Variants in PHACTR1 observed in about 807,000 individuals in gnomAD.
The protein encoded by PHACTR1 is RPEL repeat containing 1.
A neutral mutation model predicts 69.2 loss-of-function variants in PHACTR1; 16 were observed. The ratio of observed to expected loss-of-function variants is 0.23; its 90% CI spans 0.16 to 0.35. The LOEUF (loss-of-function observed/expected upper bound fraction) is 0.35. PHACTR1 is among the 10% of genes least tolerant of loss of function. The probability of loss-of-function intolerance (pLI) is 1.00; values close to 1 mark genes in which losing one functional copy is unlikely to be tolerated. For synonymous variants in PHACTR1, 312 were observed against 284.5 expected, an observed-to-expected ratio of 1.10 and a Z score of -0.97; for missense variants, 510 against 734.7, an observed-to-expected ratio of 0.69 and a Z score of 3.54.
chr6:12,907,259 A>G (rs1033374854), intron 4 of PHACTR1, among the ~76,000 whole-genome samples: 4 of 152,244 alleles, frequency 2.6e-5, no homozygotes, highest in Admixed American at 2.6e-4. Flanking sequence ...CATCAGAAAA[A>G]TAATTATAGT....
intron 3 of PHACTR1, among the ~76,000 whole-genome samples, chr6:12,734,357 T>C (rs1350505590): frequency 6.6e-6 from 1 of 152,200 alleles, no homozygotes; most frequent in Non-Finnish European, 1.5e-5. Flanking sequence ...ATAATAGTCT[T>C]AACATAATAA....
intron 4 of PHACTR1, among the ~76,000 whole-genome samples, chr6:12,852,418 G>A (rs1028934617): frequency 6.6e-6 from 1 of 152,086 alleles, no homozygotes; most frequent in Non-Finnish European, 1.5e-5. Context: ...ATGGAGGAAG[G>A]CAGAACGGGA....
chr6:12,801,530 G>A (rs550736638), intron 4 of PHACTR1, among the ~76,000 whole-genome samples: 3 of 152,282 alleles, frequency 2.0e-5, no homozygotes, highest in Admixed American at 2.0e-4. Context: ...TATTCTCACT[G>A]CTTGGCTGAT....
intron 4 of PHACTR1, among the ~76,000 whole-genome samples, chr6:13,001,240 T>A (rs1361018052): frequency 6.6e-6 from 1 of 152,252 alleles, no homozygotes; most frequent in Non-Finnish European, 1.5e-5. Context: ...GTTGTTACTT[T>A]AATTCATTTT....
At chr6:13,226,290 G>A (rs1048982432) in intron 8 of PHACTR1, among the ~76,000 whole-genome samples, 3 of 152,166 alleles carry the variant, frequency 2.0e-5, no homozygotes, top group Non-Finnish European at 4.4e-5. Context: ...AAGGAAGGAA[G>A]TTAATTGAAT....
intron 4 of PHACTR1, among the ~76,000 whole-genome samples, chr6:12,765,277 G>C (rs185953068): frequency 6.6e-6 from 1 of 152,090 alleles, no homozygotes; most frequent in East Asian, 1.9e-4. Context: ...TGCTATGTAC[G>C]CAATACAAGT....
chr6:12,744,227 A>T (rs1765476084), intron 3 of PHACTR1, among the ~76,000 whole-genome samples: 1 of 152,214 alleles, frequency 6.6e-6, no homozygotes, highest in African/African-American at 2.4e-5. Flanking sequence ...GCTTCCTTAA[A>T]GGGAACCACG....
At chr6:13,165,502 T>C (rs949825299) in intron 6 of PHACTR1, among the ~76,000 whole-genome samples, 1 of 152,174 alleles carries the variant, frequency 6.6e-6, no homozygotes, top group African/African-American at 2.4e-5. Flanking sequence ...ATAACCACAA[T>C]TGCAAAATCT....
At chr6:12,735,113 G>A (rs1209104672) in intron 3 of PHACTR1, among the ~76,000 whole-genome samples, 1 of 152,138 alleles carries the variant, frequency 6.6e-6, no homozygotes, top group African/African-American at 2.4e-5. Flanking sequence ...GGCTGGGGCT[G>A]TAGTTAGCTG....
chr6:13,111,570 A>T (rs998486926), intron 5 of PHACTR1, among the ~76,000 whole-genome samples: 1 of 152,160 alleles, frequency 6.6e-6, no homozygotes, highest in African/African-American at 2.4e-5. Flanking sequence ...TCTAAATTGG[A>T]TCTTATAATG....
chr6:12,968,524 A>T (rs554181371), intron 4 of PHACTR1, among the ~76,000 whole-genome samples: 2 of 152,198 alleles, frequency 1.3e-5, no homozygotes, highest in Non-Finnish European at 2.9e-5. Context: ...CAAGAGTGAA[A>T]CATTTGCCCG....
intron 4 of PHACTR1, among the ~76,000 whole-genome samples, chr6:12,782,684 G>A (rs538088176): frequency 2.5e-4 from 38 of 152,288 alleles, no homozygotes; most frequent in African/African-American, 8.4e-4. Flanking sequence ...ATGTTAGATA[G>A]AGCTGGATAA....
At chr6:12,984,387 G>A (rs902001509) in intron 4 of PHACTR1, among the ~76,000 whole-genome samples, 5 of 152,320 alleles carry the variant, frequency 3.3e-5, no homozygotes, top group Non-Finnish European at 5.9e-5. Context: ...GGAGGCAGGC[G>A]ATGTGAGATA....
intron 4 of PHACTR1, among the ~76,000 whole-genome samples, chr6:12,793,117 A>T (rs1054405989): frequency 6.6e-6 from 1 of 152,162 alleles, no homozygotes; most frequent in African/African-American, 2.4e-5. Context: ...TAATGTTTTT[A>T]TTCTTTGCTG....
intron 4 of PHACTR1, among the ~76,000 whole-genome samples, chr6:12,756,856 G>C (rs1258583561): frequency 6.6e-6 from 1 of 152,092 alleles, no homozygotes; most frequent in Non-Finnish European, 1.5e-5. Flanking sequence ...ATTAAATCAT[G>C]GTTTAATCAG....
intron 5 of PHACTR1, among the ~76,000 whole-genome samples, chr6:13,116,158 G>A (rs542666140): frequency 3.9e-5 from 6 of 152,238 alleles, no homozygotes; most frequent in East Asian, 3.9e-4. Context: ...TCCAGTTCTC[G>A]TGGACACTAT....
chr6:13,026,909 AAAAAAT>A (rs973162285), intron 4 of PHACTR1, among the ~76,000 whole-genome samples: 26 of 152,232 alleles, frequency 1.7e-4, no homozygotes, highest in Admixed American at 1.6e-3. Context: ...TCCCCTGTCA[AAAAAAT>A]AAAAATAAAA....
intron 6 of PHACTR1, among the ~76,000 whole-genome samples, chr6:13,180,629 T>G (rs1274361875): frequency 6.6e-6 from 1 of 152,252 alleles, no homozygotes; most frequent in African/African-American, 2.4e-5. Flanking sequence ...TCCAGCACTT[T>G]TATTATACTT....
At chr6:12,875,761 G>C (rs1236471955) in intron 4 of PHACTR1, among the ~76,000 whole-genome samples, 2 of 152,112 alleles carry the variant, frequency 1.3e-5, no homozygotes, top group Non-Finnish European at 2.9e-5. Context: ...GATAAACCTG[G>C]CTTGTGTTGT....
Sources: allele counts gnomAD v4.1 joint callset (sites outside exome capture counted in the v4.1 genomes callset), GRCh38; gene constraint gnomAD v4.1.1; transcripts MANE v1.5; gene names NCBI Gene and HGNC (gene_info 2026-07-23, HGNC 2026-07-21).